The following YTHDC2 variants were observed in gnomAD, a reference collection of about 807,000 sequenced individuals.
YTHDC2 encodes 3'-5' RNA helicase YTHDC2.
YTHDC2 carries 45 observed loss-of-function variants against 174.9 expected under a neutral mutation model. The ratio of observed to expected loss-of-function variants is 0.26; its 90% CI spans 0.20 to 0.33. YTHDC2 has a LOEUF of 0.33. Among genes scored for constraint, YTHDC2 ranks in the 10% least tolerant of loss-of-function variants. The probability of loss-of-function intolerance (pLI) is 1.00; values close to 1 mark genes in which losing one functional copy is unlikely to be tolerated. For missense variants in YTHDC2, 1,650 were observed against 1,723.7 expected, an observed-to-expected ratio of 0.96 and a Z score of 0.76; for synonymous variants, 657 against 574.5, an observed-to-expected ratio of 1.14 and a Z score of -2.05.
intron 9 of YTHDC2, among the ~76,000 whole-genome samples, chr5:113,541,897 A>G (rs546023331): frequency 2.0e-4 from 30 of 152,158 alleles, no homozygotes; most frequent in South Asian, 1.0e-3. Flanking sequence ...GACCATGTAT[A>G]TTTGTGGTTC....
chr5:113,589,598 A>G (rs1040270693), intron 26 of YTHDC2, among the ~76,000 whole-genome samples: 1 of 151,454 alleles, frequency 6.6e-6, no homozygotes, highest in Non-Finnish European at 1.5e-5. Flanking sequence ...GGGCATGGTG[A>G]TGGGCCACCT....
chr5:113,566,736 A>G (rs1437171953), intron 21 of YTHDC2, among the ~76,000 whole-genome samples: 1 of 152,218 alleles, frequency 6.6e-6, no homozygotes, highest in Non-Finnish European at 1.5e-5. Context: ...AATGTTGTTA[A>G]TAACAGTCAG....
chr5:113,541,733 G>A (rs1245728030), intron 9 of YTHDC2, among the ~76,000 whole-genome samples: 2 of 151,832 alleles, frequency 1.3e-5, no homozygotes, highest in African/African-American at 4.8e-5. Context: ...TTAAAAATTG[G>A]TAATAAAAAT....
intron 4 of YTHDC2, among the ~76,000 whole-genome samples, chr5:113,531,487 G>T (rs756184372): frequency 6.6e-6 from 1 of 152,020 alleles, no homozygotes; most frequent in Non-Finnish European, 1.5e-5. Flanking sequence ...ACCAATTAAA[G>T]GTTGGTCTTA....
intron 13 of YTHDC2, 81 bp from the exon 14 acceptor site, chr5:113,553,507 CAT>C (rs947033446): frequency 2.0e-6 from 3 of 1,497,532 alleles, no homozygotes; most frequent in African/African-American, 1.4e-5. Flanking sequence ...TACTTGAAAA[CAT>C]GTGATACAGA....
chr5:113,539,870 ACTC>A (rs1775329395), intron 8 of YTHDC2, among the ~76,000 whole-genome samples: 1 of 151,572 alleles, frequency 6.6e-6, no homozygotes, highest in Non-Finnish European at 1.5e-5. Flanking sequence ...AAGTTGTAAA[ACTC>A]CTAGATCTTG....
intron 2 of YTHDC2, among the ~76,000 whole-genome samples, chr5:113,516,633 A>G (rs1048394272): frequency 5.3e-5 from 8 of 152,230 alleles, no homozygotes; most frequent in African/African-American, 9.6e-5. Context: ...AGATGCTTCT[A>G]GAGGTTGCCA....
chr5:113,539,229 G>T, intron 8 of YTHDC2, 48 bp downstream of exon 8: 1 of 789,104 alleles, frequency 1.3e-6, no homozygotes, highest in South Asian at 2.3e-5. Context: ...TATTGATAAT[G>T]ACTTTGGAGT....
Position 113,593,598 on chromosome 5 carries a change from C to G in YTHDC2, c.*124C>G. ...GCTTTTTAACACTTTTAGAGTGTTG[C>G]TTTAGAACTACCATCTTCATATACA... is the stretch of plus-strand genomic sequence containing the variant. On this transcript the variant is annotated 3_prime_UTR_variant, in exon 30 of 30. Transcript: ENST00000161863. 2.6e-6 allele frequency: 1 copy of G among 386,800 alleles called. No individual in the cohort carries two copies. The highest frequency in any genetic ancestry group is 4.7e-6 in the Non-Finnish European group (1 of 213,194). The allele number at this position is 386,800 out of a possible 1,614,324, so 24.0% of individuals were successfully genotyped here. A position where few individuals can be genotyped will look rare whatever the true frequency, so the allele number is the denominator to read the frequency against.
chr5:113,547,456 A>G (rs1775957890), intron 10 of YTHDC2, among the ~76,000 whole-genome samples: 1 of 152,192 alleles, frequency 6.6e-6, no homozygotes, highest in Admixed American at 6.5e-5. Context: ...AATCCGTAAA[A>G]TGCACAAAAC....
At chr5:113,528,422 A>C (rs751199710) in intron 4 of YTHDC2, among the ~76,000 whole-genome samples, 1 of 152,198 alleles carries the variant, frequency 6.6e-6, no homozygotes, top group Non-Finnish European at 1.5e-5. Context: ...TCTTGCCTTT[A>C]ATGGTATTAG....
intron 4 of YTHDC2, among the ~76,000 whole-genome samples, chr5:113,531,696 G>A (rs1774682745): frequency 2.0e-5 from 3 of 150,644 alleles, no homozygotes; most frequent in Admixed American, 6.6e-5. Flanking sequence ...AACTAGTCAA[G>A]TTTAAAAAAA....
In YTHDC2 at chr5:113,584,518, T is replaced by G. The variant is rs754420736; in HGVS notation, c.3825+39T>G. On this transcript the variant is annotated intron_variant, in intron 26 of 29. Coordinates refer to ENST00000161863, the MANE Select transcript of YTHDC2 (RefSeq NM_022828.5). ...AAAGAAAATGTAGTAAGGAACAGAT[T>G]TGTAGCACATGTAATCCTAGGTAAA... 5 of 1,499,184 alleles carry G rather than the reference T, an allele frequency of 3.3e-6. No individual in the cohort carries two copies. The East Asian group carries it at 1.1e-4, about 34-fold the overall frequency. 92.9% of individuals were successfully genotyped at this position (1,499,184 alleles called of 1,614,324 possible).
intron 10 of YTHDC2, among the ~76,000 whole-genome samples, chr5:113,544,096 C>A (rs1775677520): frequency 6.6e-6 from 1 of 152,090 alleles, no homozygotes; most frequent in Non-Finnish European, 1.5e-5. Context: ...CTCTGTGTCA[C>A]CAGAGATTCA....
In YTHDC2 at chr5:113,553,982, A is replaced by C; in HGVS notation, c.2093A>C (p.Asn698Thr). 1 of 1,582,622 alleles carries C rather than the reference A, an allele frequency of 6.3e-7. No homozygotes were observed. The highest frequency in any genetic ancestry group is 8.6e-7 in the Non-Finnish European group (1 of 1,165,950). ...TNIAETSITVNDVVFVIDSGK... is the reference protein window; with the variant it reads ...TNIAETSITVTDVVFVIDSGK... ...ATTGCTGAAACCAGCATCACAGTCA[A>C]TGATGTTGTCTTTGTTATTGATTCT... is the stretch of plus-strand genomic sequence containing the variant. The change falls in exon 16 of 30, where the codon AAT becomes ACT. Residue 698 changes from asparagine (N) to threonine (T), a missense_variant. By Grantham distance (65) the Asn-to-Thr change is moderately conservative. Around this residue, in one of 5 missense-constraint regions of YTHDC2, gnomAD observed 913 missense variants for 940.4 expected, o/e 0.97. Transcript: ENST00000161863.
intron 4 of YTHDC2, among the ~76,000 whole-genome samples, chr5:113,532,563 G>A (rs1006310462): frequency 3.3e-5 from 5 of 152,106 alleles, no homozygotes; most frequent in African/African-American, 1.2e-4. Context: ...CCCCATCCAT[G>A]AATATGGCAT....
At position 113,553,260 on chromosome 5, in the gene YTHDC2, G is replaced by C. The variant is rs1776381852; in HGVS notation, c.1768G>C (p.Glu590Gln). The C allele has an allele frequency of 5.0e-6, 8 of 1,606,316 alleles. No homozygotes were observed. Among genetic ancestry groups the C allele is most frequent in the Non-Finnish European group, 5.9e-6 (7 of 1,177,118 alleles). ...AAGTGACCTCAGTGCTGAAGACAGA[G>C]AGCTCCTGAAAGCTTATCATCATAG... ...NGSDLSAEDR[E>Q]LLKAYHHSFD... The change falls in exon 13 of 30, where the codon GAG (glutamate) becomes CAG (glutamine). Residue 590 changes from glutamate to glutamine, a missense_variant. Physicochemically the swap from Glu to Gln is conservative, Grantham distance 29. Around this residue, in one of 5 missense-constraint regions of YTHDC2, gnomAD observed 411 missense variants for 380.6 expected, o/e 1.08. Coordinates refer to ENST00000161863, the MANE Select transcript of YTHDC2 (RefSeq NM_022828.5).
At chr5:113,550,731 C>G (rs1176863224) in intron 12 of YTHDC2, among the ~76,000 whole-genome samples, 1 of 152,024 alleles carries the variant, frequency 6.6e-6, no homozygotes, top group East Asian at 1.9e-4. Context: ...TTTGTTATAA[C>G]TTCTATAAAA....
rs998978827 is a variant in YTHDC2, at chr5:113,579,631, A to C, written c.3290A>C (p.Lys1097Thr). Residue 1097 changes from lysine to threonine, a missense_variant, in exon 24 of 30, where the codon AAA becomes ACA. Lys to Thr is a moderately conservative substitution (Grantham distance 78). This residue lies in a region of YTHDC2 where 913 missense variants were observed against 940.4 expected (regional missense o/e 0.97). Coordinates refer to ENST00000161863, the MANE Select transcript of YTHDC2 (RefSeq NM_022828.5). ...NDSSDSEMED[K>T]TTANLAALKL... ...AGTAGTGATAGTGAAATGGAGGACA[A>C]AACTACAGCTAATTTGGCAGCCTTG... 3.1e-6 allele frequency: 5 copies of C among 1,611,342 alleles called. No individual in the cohort carries two copies. The highest frequency in any genetic ancestry group is 4.5e-5 in the East Asian group (2 of 44,666).
Sources: allele counts gnomAD v4.1 joint callset (sites outside exome capture counted in the v4.1 genomes callset), GRCh38; gene constraint gnomAD v4.1.1; regional missense constraint gnomAD v4.1.1; transcripts MANE v1.5; gene names NCBI Gene and HGNC (gene_info 2026-07-23, HGNC 2026-07-21).